Variants in PANX1 observed in about 807,000 individuals in gnomAD.
PANX1 encodes pannexin 1, also known as pannexin-1.
A neutral mutation model predicts 38.7 loss-of-function variants in PANX1; 30 were observed. The ratio of observed to expected loss-of-function variants is 0.78; its 90% confidence interval spans 0.58 to 1.05. PANX1 has a LOEUF of 1.05. Among genes scored for constraint, PANX1 ranks in the 50% least tolerant of loss-of-function variants. The probability of loss-of-function intolerance (pLI) is 0.00; values close to 1 mark genes in which losing one functional copy is unlikely to be tolerated. For synonymous variants in PANX1, 230 were observed against 212.2 expected (o/e 1.08, Z -0.73); for missense variants, 551 against 517.2 (o/e 1.07, Z -0.63).
At chr11:94,134,083 T>C (rs1012450929) in intron 1 of PANX1, among the ~76,000 whole-genome samples, 5 of 152,246 alleles carry the variant, frequency 3.3e-5, no homozygotes, top group Admixed American at 2.6e-4. Flanking sequence ...CCACTTGATT[T>C]ATAAGCTCAG....
chr11:94,164,058 T>A (rs1947076693), intron 2 of PANX1, among the ~76,000 whole-genome samples: 1 of 152,136 alleles, frequency 6.6e-6, no homozygotes, highest in African/African-American at 2.4e-5. Flanking sequence ...TTTGAATTTC[T>A]GTGGTATGAA....
chr11:94,170,229 CA>C (rs1406858038), intron 2 of PANX1, among the ~76,000 whole-genome samples: 1 of 151,630 alleles, frequency 6.6e-6, no homozygotes, highest in East Asian at 1.9e-4. Flanking sequence ...CCCATCCCCC[CA>C]GCCCCTGGCA....
At chr11:94,147,871 G>A (rs1457171854) in intron 1 of PANX1, among the ~76,000 whole-genome samples, 1 of 152,184 alleles carries the variant, frequency 6.6e-6, no homozygotes, top group African/African-American at 2.4e-5. Context: ...ATGCCCCAGA[G>A]TTATTTGTTG....
intron 1 of PANX1, among the ~76,000 whole-genome samples, chr11:94,151,856 T>C (rs931148891): frequency 2.0e-5 from 3 of 152,232 alleles, no homozygotes; most frequent in African/African-American, 7.2e-5. Flanking sequence ...GATGATTTCC[T>C]GTAAAGCCTC....
intron 2 of PANX1, among the ~76,000 whole-genome samples, chr11:94,173,422 G>A (rs1438043434): frequency 2.0e-5 from 3 of 151,472 alleles, no homozygotes; most frequent in Non-Finnish European, 2.9e-5. Context: ...AGACCAGGGC[G>A]TTTTGACTGC....
intron 3 of PANX1, among the ~76,000 whole-genome samples, chr11:94,178,818 A>C (rs72972544): frequency 0.026 from 3,998 of 152,242 alleles, 66 homozygotes; most frequent in African/African-American, 0.035. Flanking sequence ...GTCAAGACTC[A>C]TTCCCTTGAT....
intron 1 of PANX1, among the ~76,000 whole-genome samples, chr11:94,152,939 G>T (rs1946900549): frequency 1.3e-5 from 2 of 152,146 alleles, no homozygotes; most frequent in Non-Finnish European, 2.9e-5. Context: ...CAGTTGGGCT[G>T]CAGTTTCAGC....
intron 2 of PANX1, among the ~76,000 whole-genome samples, chr11:94,176,608 A>G (rs1048301160): frequency 1.3e-5 from 2 of 151,608 alleles, no homozygotes; most frequent in Non-Finnish European, 1.5e-5. Context: ...AGTGAGGGCC[A>G]TGTTGTGGGG....
intron 1 of PANX1, among the ~76,000 whole-genome samples, chr11:94,139,834 T>C (rs1946740697): frequency 1.3e-5 from 2 of 152,236 alleles, no homozygotes; most frequent in South Asian, 4.1e-4. Context: ...CCTCGCTCTG[T>C]GTATCTCTTT....
intron 2 of PANX1, among the ~76,000 whole-genome samples, chr11:94,161,094 G>C (rs906093446): frequency 6.6e-6 from 1 of 152,240 alleles, no homozygotes; most frequent in African/African-American, 2.4e-5. Context: ...CGAGAAATCA[G>C]CTGTTAGTCT....
chr11:94,179,021 T>C (rs565385919), intron 3 of PANX1, among the ~76,000 whole-genome samples: 166 of 152,276 alleles, frequency 1.1e-3, no homozygotes, highest in Non-Finnish European at 1.9e-3. Flanking sequence ...TTCACAACCT[T>C]CTTTTGGTTC....
chr11:94,141,282 C>A (rs1258281566), intron 1 of PANX1, among the ~76,000 whole-genome samples: 1 of 152,232 alleles, frequency 6.6e-6, no homozygotes, highest in Non-Finnish European at 1.5e-5. Context: ...CCCCGCCCTA[C>A]TTCTTTACCA....
At chr11:94,153,782 A>G (rs2134494670) in intron 2 of PANX1, 152 bp downstream of exon 2, 1 of 692,050 alleles carries the variant, frequency 1.4e-6, no homozygotes, top group Non-Finnish European at 2.3e-6. Flanking sequence ...GTCAAAAAGA[A>G]CCTCAGAGAT....
rs1406067367 is a variant in PANX1 at position 94,129,252 on chromosome 11, C to G, written c.-61C>G. ...GGCCGGTGACTGGGTGAAGGCGCCGCGCAGCTTTCCCGACGCCGGCTGTAC... is the reference window on the plus strand; with the variant it reads ...GGCCGGTGACTGGGTGAAGGCGCCGGGCAGCTTTCCCGACGCCGGCTGTAC... On this transcript the variant is annotated 5_prime_UTR_variant, in exon 1 of 5. Transcript: ENST00000227638. 4.1e-6 allele frequency: 6 copies of G among 1,464,890 alleles called. No homozygotes were observed. The highest frequency in any genetic ancestry group is 3.8e-5 in the Admixed American group (2 of 52,424). 90.7% of individuals were successfully genotyped at this position (1,464,890 alleles called of 1,614,324 possible).
At chr11:94,172,298 C>T (rs954034176) in intron 2 of PANX1, among the ~76,000 whole-genome samples, 1 of 131,718 alleles carries the variant, frequency 7.6e-6, no homozygotes, top group Non-Finnish European at 1.7e-5. Context: ...GGGCACCACC[C>T]ATCTACACCA....
intron 1 of PANX1, among the ~76,000 whole-genome samples, chr11:94,132,464 C>T (rs920602458): frequency 8.5e-5 from 13 of 152,154 alleles, no homozygotes; most frequent in Admixed American, 3.3e-4. Context: ...GAAGCTGAGA[C>T]GTGTGAGACA....
chr11:94,171,393 A>C (rs1391304002), intron 2 of PANX1, among the ~76,000 whole-genome samples: 3 of 151,732 alleles, frequency 2.0e-5, no homozygotes, highest in African/African-American at 7.3e-5. Flanking sequence ...TTAATTCTTT[A>C]TCTCTTAAGA....
intron 2 of PANX1, among the ~76,000 whole-genome samples, chr11:94,169,500 G>C (rs1187913916): frequency 8.6e-5 from 13 of 151,626 alleles, no homozygotes; most frequent in Admixed American, 8.5e-4. Context: ...GCCCTAAACT[G>C]TGACACCTTA....
At chr11:94,155,512 AAAT>A (rs947601848) in intron 2 of PANX1, among the ~76,000 whole-genome samples, 4 of 152,002 alleles carry the variant, frequency 2.6e-5, no homozygotes, top group Admixed American at 6.5e-5. Context: ...AGACTCCAAA[AAAT>A]AATAATAATA....
Sources: allele counts gnomAD v4.1 joint callset (sites outside exome capture counted in the v4.1 genomes callset), GRCh38; gene constraint gnomAD v4.1.1; transcripts MANE v1.5; gene names NCBI Gene and HGNC (gene_info 2026-07-23, HGNC 2026-07-21).